Variants in LRP1B observed in about 807,000 individuals in gnomAD.
The protein encoded by LRP1B is low-density lipoprotein receptor-related protein 1B.
LRP1B carries 217 observed loss-of-function variants against 556.6 expected under a neutral mutation model. That is an observed-to-expected ratio of 0.39 (90% confidence interval 0.35 to 0.44). LRP1B has a LOEUF of 0.44. Among genes scored for constraint, LRP1B ranks in the 20% least tolerant of loss-of-function variants. The pLI, the probability that LRP1B is intolerant of heterozygous loss-of-function variation, is 1.00. For missense variants in LRP1B, 5,053 were observed against 5,620.8 expected, an observed-to-expected ratio of 0.90 and a Z score of 3.23; for synonymous variants, 2,047 against 1,865.8, an observed-to-expected ratio of 1.10 and a Z score of -2.50.
chr2:141,141,444 T>A (rs1280238917), intron 7 of LRP1B, among the ~76,000 whole-genome samples: 1 of 152,176 alleles, frequency 6.6e-6, no homozygotes. Flanking sequence ...GGAATTATGA[T>A]AACTTACTTC....
chr2:140,235,660 C>A (rs1216795211), intron 89 of LRP1B, among the ~76,000 whole-genome samples: 1 of 150,956 alleles, frequency 6.6e-6, no homozygotes, highest in African/African-American at 2.4e-5. Flanking sequence ...GTATTATGTT[C>A]TAAGTACATT....
chr2:140,738,334 T>A (rs1688018414), intron 35 of LRP1B, among the ~76,000 whole-genome samples: 1 of 152,040 alleles, frequency 6.6e-6, no homozygotes, highest in Non-Finnish European at 1.5e-5. Flanking sequence ...GGTCGGTGGG[T>A]GGGCAGGGAA....
At chr2:140,603,049 T>C (rs1305925433) in intron 41 of LRP1B, among the ~76,000 whole-genome samples, 1 of 152,032 alleles carries the variant, frequency 6.6e-6, no homozygotes, top group Non-Finnish European at 1.5e-5. Flanking sequence ...TTATAATGGT[T>C]ACTACTTAAC....
intron 41 of LRP1B, among the ~76,000 whole-genome samples, chr2:140,657,278 G>A (rs77804249): frequency 6.6e-6 from 1 of 151,974 alleles, no homozygotes; most frequent in South Asian, 2.1e-4. Context: ...AGTAGGCAGT[G>A]CGGTAGAAAA....
At chr2:141,095,638 T>C (rs1700279124) in intron 7 of LRP1B, among the ~76,000 whole-genome samples, 1 of 152,058 alleles carries the variant, frequency 6.6e-6, no homozygotes, top group South Asian at 2.1e-4. Context: ...AGAGTTATTA[T>C]TATTATTTTT....
intron 32 of LRP1B, among the ~76,000 whole-genome samples, chr2:140,781,058 A>AC (rs1248747803): frequency 2.0e-5 from 3 of 152,092 alleles, no homozygotes; most frequent in Non-Finnish European, 4.4e-5. Flanking sequence ...ACAAAACCAC[A>AC]CTCTGTTCAC....
intron 6 of LRP1B, among the ~76,000 whole-genome samples, chr2:141,216,941 C>G (rs1366183748): frequency 6.6e-6 from 1 of 152,074 alleles, no homozygotes; most frequent in Non-Finnish European, 1.5e-5. Flanking sequence ...CTTGCCTTGT[C>G]TCAGATGAGA....
Position 140,475,164 on chromosome 2 carries a change from T to C in LRP1B, c.9599A>G (p.Asn3200Ser), listed in dbSNP as rs140292001. The part of the protein sequence containing the change: ...WADENHIEFS[N>S]MDGSHRHKVP... ...TTTGTGTCTATGAGATCCATCCATGTTGCTAAATTCAATGTGATTTTCATC... is the reference window on the plus strand; with the variant it reads ...TTTGTGTCTATGAGATCCATCCATGCTGCTAAATTCAATGTGATTTTCATC... Residue 3200 changes from asparagine to serine, a missense_variant, in exon 60 of 91, where the codon AAC becomes AGC. By Grantham distance (46) the Asn-to-Ser change is conservative. Coordinates refer to ENST00000389484, the MANE Select transcript of LRP1B (RefSeq NM_018557.3). The C allele has an allele frequency of 6.3e-7, 1 of 1,599,756 alleles. No individual in the cohort carries two copies. Among genetic ancestry groups the C allele is most frequent in the Non-Finnish European group, 8.5e-7 (1 of 1,172,718 alleles).
chr2:141,122,023 T>G (rs1701065292), intron 7 of LRP1B, among the ~76,000 whole-genome samples: 1 of 152,154 alleles, frequency 6.6e-6, no homozygotes, highest in Non-Finnish European at 1.5e-5. Flanking sequence ...ATTTAATAAA[T>G]GGTCTGGGAA....
chr2:141,386,820 G>A (rs1689849703), intron 3 of LRP1B, among the ~76,000 whole-genome samples: 1 of 151,890 alleles, frequency 6.6e-6, no homozygotes, highest in Non-Finnish European at 1.5e-5. Flanking sequence ...CATCTAACAG[G>A]AGATCAATAA....
intron 37 of LRP1B, 79 bp downstream of exon 37, chr2:140,715,894 A>G: frequency 8.3e-7 from 1 of 1,207,522 alleles, no homozygotes; most frequent in Non-Finnish European, 1.1e-6. Flanking sequence ...CATTACAGCT[A>G]AAAGTAATTA....
intron 79 of LRP1B, among the ~76,000 whole-genome samples, chr2:140,328,000 T>C (rs1014485642): frequency 6.6e-6 from 1 of 152,042 alleles, no homozygotes; most frequent in African/African-American, 2.4e-5. Flanking sequence ...AATTAAAAAG[T>C]TAATAAAGGA....
chr2:140,606,416 C>T (rs1473534384), intron 41 of LRP1B, among the ~76,000 whole-genome samples: 1 of 151,736 alleles, frequency 6.6e-6, no homozygotes, highest in Non-Finnish European at 1.5e-5. Context: ...AATGGAAGGC[C>T]TAATATTATG....
intron 7 of LRP1B, among the ~76,000 whole-genome samples, chr2:141,179,045 G>C (rs113877234): frequency 8.5e-5 from 13 of 152,122 alleles, no homozygotes; most frequent in African/African-American, 2.9e-4. Context: ...TTAGTGTGTA[G>C]ACTGTATAAA....
intron 5 of LRP1B, among the ~76,000 whole-genome samples, chr2:141,233,959 T>G (rs1332612276): frequency 6.6e-6 from 1 of 152,104 alleles, no homozygotes; most frequent in Non-Finnish European, 1.5e-5. Context: ...TTATCTCCAC[T>G]AAATGAAGCT....
At chr2:141,260,536 G>C (rs1270503506) in intron 3 of LRP1B, among the ~76,000 whole-genome samples, 3 of 152,098 alleles carry the variant, frequency 2.0e-5, no homozygotes, top group African/African-American at 7.2e-5. Flanking sequence ...ACCAATAGAG[G>C]TCTTTTTTCC....
intron 2 of LRP1B, among the ~76,000 whole-genome samples, chr2:141,685,313 T>C (rs1691256248): frequency 6.6e-6 from 1 of 152,078 alleles, no homozygotes. Flanking sequence ...ATGATTATAT[T>C]TGGGACTTTT....
rs751233024 is a variant in LRP1B, at chr2:140,541,991, T to C, written c.7195-20A>G. On this transcript the variant is annotated intron_variant, in intron 43 of 90. Coordinates refer to ENST00000389484, the MANE Select transcript of LRP1B (RefSeq NM_018557.3). The stretch of plus-strand genomic sequence containing the variant: ...TATCACCTGAAATAAATTAAAATAC[T>C]GTATTTTTATGATGAATATATAGAC... 55 of 1,546,372 alleles carry C rather than the reference T, an allele frequency of 3.6e-5. No individual in the cohort carries two copies. Among genetic ancestry groups the C allele is most frequent in the Non-Finnish European group, 4.7e-5 (53 of 1,129,616 alleles).
At chr2:141,493,736 T>C (rs893940266) in intron 2 of LRP1B, among the ~76,000 whole-genome samples, 1 of 152,104 alleles carries the variant, frequency 6.6e-6, no homozygotes, top group Admixed American at 6.6e-5. Flanking sequence ...AAATCAGAAG[T>C]GTTTTCATAT....
Sources: gnomAD v4.1 joint callset for allele counts (sites outside exome capture counted in the v4.1 genomes callset) on GRCh38, gnomAD v4.1.1 for gene constraint, MANE v1.5 for transcripts, NCBI Gene and HGNC (gene_info 2026-07-23, HGNC 2026-07-21) for gene names.